The following MPP7 variants were observed in gnomAD, a reference collection of about 807,000 sequenced individuals.
The protein encoded by MPP7 is MAGUK p55 scaffold protein 7.
MPP7 carries 60 observed loss-of-function variants against 76.5 expected under a neutral mutation model. The observed-to-expected ratio is 0.78, with a 90% CI of 0.64 to 0.97. The LOEUF (loss-of-function observed/expected upper bound fraction) is 0.97. MPP7 is among the 50% of genes least tolerant of loss of function. MPP7 has a pLI of 0.00. For missense variants in MPP7, 641 were observed against 694.0 expected (o/e 0.92, Z 0.86); for synonymous variants, 237 against 244.5 (o/e 0.97, Z 0.29).
At chr10:28,169,326 T>TAAAA (rs369848117) in intron 3 of MPP7, among the ~76,000 whole-genome samples, 11 of 148,760 alleles carry the variant, frequency 7.4e-5, no homozygotes, top group African/African-American at 2.2e-4. Flanking sequence ...CCCTGTCTCT[T>TAAAA]AAAAAAAAAA....
At chr10:28,280,914 C>T (rs1456284071) in intron 1 of MPP7, among the ~76,000 whole-genome samples, 1 of 151,948 alleles carries the variant, frequency 6.6e-6, no homozygotes, top group Non-Finnish European at 1.5e-5. Flanking sequence ...ATGCCTTGTA[C>T]ACATTCCTGT....
chr10:28,183,597 G>A (rs1837129789), intron 3 of MPP7, among the ~76,000 whole-genome samples: 1 of 152,128 alleles, frequency 6.6e-6, no homozygotes, highest in South Asian at 2.1e-4. Context: ...GGAGCAGCTT[G>A]GGCAACATAG....
At chr10:28,287,227 TG>T (rs1840809594) in intron 1 of MPP7, among the ~76,000 whole-genome samples, 1 of 152,146 alleles carries the variant, frequency 6.6e-6, no homozygotes, top group Non-Finnish European at 1.5e-5. Flanking sequence ...TTGGAAAAAT[TG>T]TATCTGCCAC....
At chr10:28,101,654 AAAGT>A (rs1177769358) in intron 11 of MPP7, among the ~76,000 whole-genome samples, 1 of 152,160 alleles carries the variant, frequency 6.6e-6, no homozygotes, top group African/African-American at 2.4e-5. Context: ...TATTTGTAAG[AAAGT>A]ATGTTAGAAA....
intron 2 of MPP7, among the ~76,000 whole-genome samples, chr10:28,229,136 A>G (rs1177999279): frequency 6.6e-6 from 1 of 152,248 alleles, no homozygotes; most frequent in Non-Finnish European, 1.5e-5. Context: ...CAAAAAGCCA[A>G]ATGAATTCTG....
At chr10:28,187,871 T>C (rs77120336) in intron 3 of MPP7, among the ~76,000 whole-genome samples, 160 of 152,324 alleles carry the variant, frequency 1.1e-3, no homozygotes, top group Non-Finnish European at 1.8e-3. Context: ...GGATCGATTA[T>C]CCTGGAAATA....
intron 3 of MPP7, 67 bp downstream of exon 3, chr10:28,202,086 T>C: frequency 9.2e-7 from 1 of 1,086,742 alleles, no homozygotes; most frequent in Non-Finnish European, 1.4e-6. Context: ...TCTGGTTTAC[T>C]TGGTGGTGCC....
At position 28,058,550 on chromosome 10, in the gene MPP7, G is replaced by A; in HGVS notation, c.1352C>T (p.Ser451Leu). The change falls in exon 15 of 17, where the codon TCA (serine) becomes TTA (leucine). Residue 451 changes from serine (S) to leucine (L), a missense_variant. Ser to Leu is a moderately radical substitution (Grantham distance 145). Coordinates refer to ENST00000683449, the MANE Select transcript of MPP7 (RefSeq NM_001318170.2). ...GTTTTTAGCAAGGACAGACCGAACT[G>A]AGTCTATACTTGTGCCGTAGTAGTT... ...KNNYYGTSID[S>L]VRSVLAKNKV... is the part of the protein sequence containing the mutation. 1 of 1,607,044 alleles carries A rather than the reference G, an allele frequency of 6.2e-7. No homozygotes were observed.
chr10:28,254,563 G>A (rs1839724621), intron 1 of MPP7, among the ~76,000 whole-genome samples: 1 of 152,130 alleles, frequency 6.6e-6, no homozygotes, highest in Non-Finnish European at 1.5e-5. Context: ...TATCATAAAT[G>A]AAAAGGAAAT....
intron 3 of MPP7, among the ~76,000 whole-genome samples, chr10:28,168,522 CTTT>C (rs1008014685): frequency 6.6e-6 from 1 of 150,908 alleles, no homozygotes; most frequent in Non-Finnish European, 1.5e-5. Flanking sequence ...ACCTCACCTT[CTTT>C]TTTTTTGTTT....
chr10:28,127,454 G>A (rs1835053567), intron 6 of MPP7, among the ~76,000 whole-genome samples: 1 of 152,168 alleles, frequency 6.6e-6, no homozygotes, highest in Non-Finnish European at 1.5e-5. Context: ...ATTTATGAAA[G>A]GAAGGTTTAA....
chr10:28,089,594 A>T (rs903594756), intron 12 of MPP7, 77 bp downstream of exon 12: 1 of 1,356,464 alleles, frequency 7.4e-7, no homozygotes, highest in Non-Finnish European at 1.0e-6. Flanking sequence ...GAAAACTTCA[A>T]GTATGATTCA....
chr10:28,224,512 C>A (rs1026407440), intron 2 of MPP7, among the ~76,000 whole-genome samples: 1 of 152,310 alleles, frequency 6.6e-6, no homozygotes, highest in African/African-American at 2.4e-5. Flanking sequence ...ATCCATTCTA[C>A]ATTCTATGAA....
At chr10:28,318,105 C>T (rs1834338431) in intron 2 of MPP7, among the ~76,000 whole-genome samples, 2 of 152,220 alleles carry the variant, frequency 1.3e-5, no homozygotes, top group South Asian at 4.1e-4. Flanking sequence ...ACTATATATA[C>T]TTCTCCCAAA....
chr10:28,067,194 T>A (rs929109277), intron 13 of MPP7, among the ~76,000 whole-genome samples: 2 of 152,314 alleles, frequency 1.3e-5, no homozygotes, highest in African/African-American at 4.8e-5. Flanking sequence ...TCCATAACTT[T>A]TTCTGGTGGA....
At chr10:28,203,496 TAAAAA>T (rs72465209) in intron 2 of MPP7, among the ~76,000 whole-genome samples, 41 of 129,872 alleles carry the variant, frequency 3.2e-4, no homozygotes, top group East Asian at 1.9e-3. Flanking sequence ...AAACAGTCTT[TAAAAA>T]AAAAAAAAAA....
intron 1 of MPP7, among the ~76,000 whole-genome samples, chr10:28,298,718 G>C (rs1348130884): frequency 6.6e-6 from 1 of 152,182 alleles, no homozygotes; most frequent in Non-Finnish European, 1.5e-5. Flanking sequence ...AAGAAAGTCC[G>C]AGACGGCATC....
At chr10:28,271,155 T>C (rs1840315577) in intron 1 of MPP7, among the ~76,000 whole-genome samples, 1 of 152,198 alleles carries the variant, frequency 6.6e-6, no homozygotes, top group South Asian at 2.1e-4. Flanking sequence ...TAGGCAAAAT[T>C]TGCAATGTAT....
Position 28,168,681 on chromosome 10 carries a change from G to A in MPP7, c.157-18622C>T, listed in dbSNP as rs145502933. On this transcript the variant is annotated intron_variant, in intron 3 of 16. Transcript: ENST00000683449. ...CTACAGGTGCCTGCCACCATGCTCC[G>A]TTAATTTTTTGTATTTTTAGTAAAC... is the stretch of plus-strand genomic sequence containing the variant. Among the ~76,000 whole-genome samples the A allele has an allele frequency of 6.1e-3, 924 of 152,122 alleles. 13 individuals are homozygous for A. The highest frequency in any genetic ancestry group is 0.02 in the African/African-American group (844 of 41,494).
Sources: gnomAD v4.1 joint callset for allele counts (sites outside exome capture counted in the v4.1 genomes callset) on GRCh38, gnomAD v4.1.1 for gene constraint, MANE v1.5 for transcripts, NCBI Gene and HGNC (gene_info 2026-07-23, HGNC 2026-07-21) for gene names.